HSPBAP1: variants seen among roughly 807,000 people sequenced by gnomAD.
HSPBAP1 encodes the protein HSPB1-associated protein 1.
Under a neutral mutation model 45.2 loss-of-function variants are expected in HSPBAP1, and 27 were observed. That is an observed-to-expected ratio of 0.60 (90% CI 0.44 to 0.82). The LOEUF is 0.82. HSPBAP1 is among the 40% of genes least tolerant of loss of function. The pLI is 0.00. For synonymous variants in HSPBAP1, 204 were observed against 202.7 expected (o/e 1.01, Z -0.06); for missense variants, 510 against 590.9 (o/e 0.86, Z 1.42).
chr3:122,780,187 T>C (rs1173896810), intron 1 of HSPBAP1, among the ~76,000 whole-genome samples: 1 of 84,422 alleles, frequency 1.2e-5, no homozygotes, highest in Non-Finnish European at 2.7e-5. Flanking sequence ...GGCGGGGGGC[T>C]GACCCCCCCA....
At chr3:122,757,791 A>AT (rs1414826993) in intron 4 of HSPBAP1, among the ~76,000 whole-genome samples, 3 of 152,226 alleles carry the variant, frequency 2.0e-5, no homozygotes, top group East Asian at 1.9e-4. Context: ...GAATTCAGGT[A>AT]TTTTTTGATG....
At position 122,741,074 on chromosome 3, in the gene HSPBAP1, G is replaced by C; in HGVS notation, c.865C>G (p.Arg289Gly). The C allele has an allele frequency of 6.2e-7, 1 of 1,614,054 alleles. No homozygotes were observed. The highest frequency in any genetic ancestry group is 8.5e-7 in the Non-Finnish European group (1 of 1,179,966). ...GTTTTCAGGGCACACACAAGCATACGGGTGATTGCCTCTTCTACCCGGGCT... is the reference window on the plus strand; with the variant it reads ...GTTTTCAGGGCACACACAAGCATACCGGTGATTGCCTCTTCTACCCGGGCT... ...HLARVEEAIT[R>G]MLVCALKTAE... Residue 289 changes from arginine to glycine, a missense_variant, in exon 7 of 8, where the codon CGT (arginine) becomes GGT (glycine). Arg to Gly is a moderately radical substitution (Grantham distance 125). Coordinates refer to ENST00000306103, the MANE Select transcript of HSPBAP1 (RefSeq NM_024610.6).
intron 1 of HSPBAP1, among the ~76,000 whole-genome samples, chr3:122,783,833 C>CTT (rs79338116): frequency 0.05 from 7,200 of 145,038 alleles, 241 homozygotes; most frequent in Middle Eastern, 0.093. Context: ...GGGCAACTTT[C>CTT]TTTTTTTTTT....
chr3:122,779,198 C>T (rs182588939), intron 1 of HSPBAP1, among the ~76,000 whole-genome samples: 2,205 of 151,832 alleles, frequency 0.015, 57 homozygotes, highest in African/African-American at 0.049. Flanking sequence ...CCCGCCACCT[C>T]GCCAGGTTAA....
chr3:122,740,307 T>C lies in HSPBAP1; in HGVS notation c.*38A>G. 7.6e-7 allele frequency: 1 copy of C among 1,314,820 alleles called. No homozygotes were observed. The highest frequency in any genetic ancestry group is 1.8e-5 in the South Asian group (1 of 54,696). The allele number at this position is 1,314,820 out of a possible 1,614,324, so 81.4% of individuals were successfully genotyped here. Reference sequence around the variant, plus strand: ...AGTCATACTACTTAAAAATATATATTTAAAAAATATTATTTTAAAAGTCAT... The same window carrying C: ...AGTCATACTACTTAAAAATATATATCTAAAAAATATTATTTTAAAAGTCAT... On this transcript the variant is annotated 3_prime_UTR_variant, in exon 8 of 8. Transcript: ENST00000306103.
intron 1 of HSPBAP1, among the ~76,000 whole-genome samples, chr3:122,783,829 CTTTCT>C (rs1390052836): frequency 2.5e-5 from 3 of 121,814 alleles, no homozygotes; most frequent in African/African-American, 8.2e-5. Flanking sequence ...GGGAGGGCAA[CTTTCT>C]TTTTTTTTTT....
intron 2 of HSPBAP1, among the ~76,000 whole-genome samples, chr3:122,775,525 A>T (rs1400387656): frequency 6.6e-6 from 1 of 151,964 alleles, no homozygotes; most frequent in Non-Finnish European, 1.5e-5. Context: ...CATGTTGGCC[A>T]GGCTGGTCTC....
At position 122,777,655 on chromosome 3, in the gene HSPBAP1, G is replaced by A. The variant is rs574371322; in HGVS notation, c.250+66C>T. ...GAAAGGATTCTCAAGAGATCAGGAG[G>A]CCACTGCTGAGAATGTAGGGATGCT... On this transcript the variant is annotated intron_variant, in intron 2 of 7. Coordinates refer to ENST00000306103, the MANE Select transcript of HSPBAP1 (RefSeq NM_024610.6). 11 of 1,055,048 alleles carry A rather than the reference G, an allele frequency of 1.0e-5. No individual in the cohort carries two copies. In the African/African-American group the frequency reaches 1.6e-4, roughly 15 times the overall value. The allele number at this position is 1,055,048 out of a possible 1,614,324, so 65.4% of individuals were successfully genotyped here. A position where few individuals can be genotyped will look rare whatever the true frequency, so the allele number is the denominator to read the frequency against.
chr3:122,759,218 C>CAT lies in HSPBAP1; in HGVS notation c.569+4_569+5dup, dbSNP rs1934476511. ...ACACACACACACACACACACACACA[C>CAT]ATTACCTTCCTTGTACCTGGAATAC... On this transcript the variant is annotated splice_donor_region_variant and intron_variant, in intron 4 of 7. Coordinates refer to ENST00000306103, the MANE Select transcript of HSPBAP1 (RefSeq NM_024610.6). 1.9e-6 allele frequency: 3 copies of CAT among 1,608,722 alleles called. No homozygotes were observed. Among genetic ancestry groups the CAT allele is most frequent in the Non-Finnish European group, 2.5e-6 (3 of 1,177,818 alleles).
intron 3 of HSPBAP1, among the ~76,000 whole-genome samples, chr3:122,765,011 T>C (rs1277296396): frequency 1.3e-5 from 2 of 152,174 alleles, no homozygotes; most frequent in Non-Finnish European, 2.9e-5. Flanking sequence ...AACATAGCTA[T>C]GAGAGCATGT....
At chr3:122,772,263 C>T (rs1446473002) in intron 2 of HSPBAP1, among the ~76,000 whole-genome samples, 2 of 151,984 alleles carry the variant, frequency 1.3e-5, no homozygotes, top group Non-Finnish European at 2.9e-5. Flanking sequence ...CATTTGAAAT[C>T]CCAACAGGAT....
At chr3:122,778,794 T>C (rs1174403940) in intron 1 of HSPBAP1, among the ~76,000 whole-genome samples, 3 of 152,198 alleles carry the variant, frequency 2.0e-5, no homozygotes, top group African/African-American at 7.2e-5. Flanking sequence ...CCTCCCAAAG[T>C]GCTGGAATTA....
rs567785189 is a variant in HSPBAP1 at position 122,781,116 on chromosome 3, G to A, written c.65-3210C>T. Among the ~76,000 whole-genome samples, 10 of 151,514 alleles carry A rather than the reference G, an allele frequency of 6.6e-5. No individual in the cohort carries two copies. In the South Asian group the frequency reaches 8.4e-4, roughly 13 times the overall value. ...GCTCCTCACATCCCAGACGATGGGC[G>A]GCCAGGCAGAGACGCTCCTCACTTC... On this transcript the variant is annotated intron_variant, in intron 1 of 7. Transcript: ENST00000306103.
intron 6 of HSPBAP1, among the ~76,000 whole-genome samples, chr3:122,742,068 C>A (rs1002379979): frequency 2.6e-5 from 4 of 151,298 alleles, no homozygotes; most frequent in Non-Finnish European, 5.9e-5. Flanking sequence ...GAAACATGTA[C>A]AAGAATATTC....
chr3:122,752,970 TTTTCCTCC>T, intron 5 of HSPBAP1: 4 of 1,085,268 alleles, frequency 3.7e-6, no homozygotes, highest in Non-Finnish European at 4.5e-6. Context: ...AGATTCTAAT[TTTTCCTCC>T]TTTCCGTCAC....
rs573338322 is a variant in HSPBAP1, at chr3:122,748,644, T to G, written c.825+3947A>C. On this transcript the variant is annotated intron_variant, in intron 6 of 7. Coordinates refer to ENST00000306103, the MANE Select transcript of HSPBAP1 (RefSeq NM_024610.6). ...CACTTTCACATACTACTAATGGAAATGCAAAATGGCACAATCACAATGAAG... is the reference window on the plus strand; with the variant it reads ...CACTTTCACATACTACTAATGGAAAGGCAAAATGGCACAATCACAATGAAG... 3.6e-4 allele frequency among the ~76,000 whole-genome samples: 55 copies of G among 152,308 alleles called. 1 individual carries two copies. The highest frequency in any genetic ancestry group is 3.3e-4 in the Admixed American group (5 of 15,298).
In HSPBAP1 at chr3:122,768,815, A is replaced by G. The variant is rs753309901; in HGVS notation, c.318T>C (p.Cys106=). Reference sequence around the variant, plus strand: ...ATGGTCCAGAAATACTAGACTGGTCACAGTTCCAGGTCAGAAACTCTTCGA... The same window carrying G: ...ATGGTCCAGAAATACTAGACTGGTCGCAGTTCCAGGTCAGAAACTCTTCGA... ...ATLEEFLTWN[C]DQSSISGPFR... is the part of the protein sequence containing the mutation. The change falls in exon 3 of 8, where the codon TGT becomes TGC. Residue 106 remains cysteine, a synonymous_variant. Coordinates refer to ENST00000306103, the MANE Select transcript of HSPBAP1 (RefSeq NM_024610.6). 2 of 1,612,436 alleles carry G rather than the reference A, an allele frequency of 1.2e-6. No individual in the cohort carries two copies. Among genetic ancestry groups the G allele is most frequent in the South Asian group, 2.2e-5 (2 of 91,064 alleles).
intron 5 of HSPBAP1, chr3:122,753,424 G>T (rs1292669533): frequency 2.0e-6 from 2 of 980,198 alleles, no homozygotes; most frequent in Non-Finnish European, 2.4e-6. Flanking sequence ...ACTAGGAGTT[G>T]TTGAGAAATT....
At position 122,760,373 on chromosome 3, in the gene HSPBAP1, AC is replaced by A. The variant is rs201563405; in HGVS notation, c.433-1014del. On this transcript the variant is annotated intron_variant, in intron 3 of 7. Coordinates refer to ENST00000306103, the MANE Select transcript of HSPBAP1 (RefSeq NM_024610.6). ...TTAAAAAATAAAAGCAAAAAAAAAAACACCCCACTTCTATGTGCAGAACATC... is the reference window on the plus strand; with the variant it reads ...TTAAAAAATAAAAGCAAAAAAAAAAAACCCCACTTCTATGTGCAGAACATC... 2.9e-3 allele frequency among the ~76,000 whole-genome samples: 435 copies of A among 152,048 alleles called. 3 individuals carry two copies. The highest frequency in any genetic ancestry group is 8.7e-3 in the African/African-American group (362 of 41,452).
Sources: allele counts gnomAD v4.1 joint callset (sites outside exome capture counted in the v4.1 genomes callset), GRCh38; gene constraint gnomAD v4.1.1; transcripts MANE v1.5; gene names NCBI Gene and HGNC (gene_info 2026-07-23, HGNC 2026-07-21).